Variants in DNAH8 observed in about 807,000 individuals in gnomAD.
The protein encoded by DNAH8 is dynein axonemal heavy chain 8, also known as axonemal beta dynein heavy chain 8.
A neutral mutation model predicts 562.1 loss-of-function variants in DNAH8; 382 were observed. That is an observed-to-expected ratio of 0.68 (90% CI 0.63 to 0.74). DNAH8 has a LOEUF of 0.74. Among genes scored for constraint, DNAH8 ranks in the 30% least tolerant of loss-of-function variants. The pLI, the probability that DNAH8 is intolerant of heterozygous loss-of-function variation, is 0.00. For missense variants in DNAH8, 5,203 were observed against 5,620.4 expected (o/e 0.93, Z 2.37); for synonymous variants, 1,881 against 1,919.4 (o/e 0.98, Z 0.52).
intron 13 of DNAH8, among the ~76,000 whole-genome samples, chr6:38,776,465 A>C (rs1472420751): frequency 6.6e-6 from 1 of 152,020 alleles, no homozygotes; most frequent in Non-Finnish European, 1.5e-5. Context: ...TGATTCACCC[A>C]CCTCGGCCTC....
At chr6:38,895,334 T>C (rs779257979) in intron 59 of DNAH8, among the ~76,000 whole-genome samples, 22 of 152,194 alleles carry the variant, frequency 1.4e-4, no homozygotes, top group Non-Finnish European at 3.2e-4. Context: ...ATCTCTCACC[T>C]GCCCACTGTC....
At chr6:38,926,812 T>C (rs147148019) in intron 74 of DNAH8, among the ~76,000 whole-genome samples, 1,959 of 152,312 alleles carry the variant, frequency 0.013, 36 homozygotes, top group Middle Eastern at 0.037. Flanking sequence ...AATGTCTTTC[T>C]CTACCTCCAC....
intron 58 of DNAH8, among the ~76,000 whole-genome samples, chr6:38,891,325 C>T (rs541917661): frequency 6.6e-6 from 1 of 152,262 alleles, no homozygotes; most frequent in Admixed American, 6.5e-5. Context: ...GGGCAGTACT[C>T]ATGAAAAGGC....
At chr6:38,785,235 A>G (rs921575804) in intron 17 of DNAH8, among the ~76,000 whole-genome samples, 4 of 152,176 alleles carry the variant, frequency 2.6e-5, no homozygotes, top group African/African-American at 9.7e-5. Flanking sequence ...TGTCCTAGTG[A>G]TGTGACTGTA....
At chr6:38,940,504 A>C (rs1402360333) in intron 79 of DNAH8, among the ~76,000 whole-genome samples, 1 of 152,190 alleles carries the variant, frequency 6.6e-6, no homozygotes, top group Non-Finnish European at 1.5e-5. Flanking sequence ...ACTTAACACA[A>C]CCAAGGTGTA....
intron 30 of DNAH8, among the ~76,000 whole-genome samples, chr6:38,831,090 T>A (rs1027193047): frequency 1.3e-5 from 2 of 152,184 alleles, no homozygotes; most frequent in Non-Finnish European, 2.9e-5. Flanking sequence ...AAATCTCTGT[T>A]GAGGTTTAGT....
chr6:38,911,046 A>G (rs1008762333), intron 65 of DNAH8, among the ~76,000 whole-genome samples: 6 of 152,238 alleles, frequency 3.9e-5, no homozygotes, highest in Non-Finnish European at 7.3e-5. Context: ...AAGAGGTTGT[A>G]ACAAATATCA....
intron 42 of DNAH8, among the ~76,000 whole-genome samples, chr6:38,858,026 A>T (rs1401066164): frequency 6.6e-6 from 1 of 152,206 alleles, no homozygotes; most frequent in African/African-American, 2.4e-5. Context: ...TTAGGTCATA[A>T]GCTATGCTGG....
intron 85 of DNAH8, 147 bp from the exon 86 acceptor site, chr6:38,982,199 T>C: frequency 3.3e-6 from 2 of 606,716 alleles, no homozygotes; most frequent in Non-Finnish European, 6.0e-6. Context: ...TTAAGCGACA[T>C]GAATGTATAT....
At chr6:38,761,147 A>T (rs999005406) in intron 10 of DNAH8, among the ~76,000 whole-genome samples, 25 of 149,570 alleles carry the variant, frequency 1.7e-4, no homozygotes, top group Non-Finnish European at 3.3e-4. Flanking sequence ...TTTAGGGTAC[A>T]TGTGCACAAT....
chr6:38,945,545 T>A lies in DNAH8; in HGVS notation c.12086T>A (p.Val4029Glu), dbSNP rs754916668. 6.2e-7 allele frequency: 1 copy of A among 1,614,038 alleles called. No individual in the cohort carries two copies. Among genetic ancestry groups the A allele is most frequent in the Admixed American group, 1.7e-5 (1 of 60,010 alleles). ...WILDMTWLNL[V>E]ELSKLPQFAE... is the part of the protein sequence containing the mutation. Reference sequence around the variant, plus strand: ...CTTGACATGACTTGGCTGAATCTTGTGGAGCTGAGTAAACTTCCACAATTT... The same window carrying A: ...CTTGACATGACTTGGCTGAATCTTGAGGAGCTGAGTAAACTTCCACAATTT... Residue 4029 changes from valine to glutamate, a missense_variant, in exon 80 of 93, where the codon GTG (valine) becomes GAG (glutamate). Coordinates refer to ENST00000327475, the MANE Select transcript of DNAH8 (RefSeq NM_001206927.2).
chr6:38,798,149 A>C (rs2127668189), intron 21 of DNAH8, among the ~76,000 whole-genome samples: 1 of 152,040 alleles, frequency 6.6e-6, no homozygotes, highest in East Asian at 1.9e-4. Flanking sequence ...GGAGATGGGG[A>C]AATGGGGTGA....
chr6:38,731,410 A>G (rs1236874572), intron 4 of DNAH8, among the ~76,000 whole-genome samples: 5 of 151,784 alleles, frequency 3.3e-5, no homozygotes, highest in African/African-American at 9.7e-5. Context: ...CTTTATGCCA[A>G]TAAATACATT....
Position 39,008,873 on chromosome 6 carries a change from A to C in DNAH8, c.13274A>C (p.Glu4425Ala). ...ACAATTACCAACATTCAACCCAAAG[A>C]GAGTGGAGGTGGTGTGGGAGAGACC... is the stretch of plus-strand genomic sequence containing the variant. ...LETITNIQPK[E>A]SGGGVGETRE... is the part of the protein sequence containing the mutation. The change falls in exon 89 of 93, where the codon GAG becomes GCG. Residue 4425 changes from glutamate to alanine, a missense_variant. By Grantham distance (107) the Glu-to-Ala change is moderately radical. Around this residue, in one of 6 missense-constraint regions of DNAH8, gnomAD observed 1,399 missense variants for 1,518.4 expected, o/e 0.92. Coordinates refer to ENST00000327475, the MANE Select transcript of DNAH8 (RefSeq NM_001206927.2). The C allele has an allele frequency of 1.2e-6, 2 of 1,607,016 alleles. No individual in the cohort carries two copies. The highest frequency in any genetic ancestry group is 1.7e-6 in the Non-Finnish European group (2 of 1,173,704).
intron 88 of DNAH8, among the ~76,000 whole-genome samples, chr6:39,006,350 C>A (rs1482365956): frequency 6.6e-6 from 1 of 152,150 alleles, no homozygotes; most frequent in Non-Finnish European, 1.5e-5. Flanking sequence ...ATATGCTATT[C>A]ATGTTTATAG....
intron 88 of DNAH8, among the ~76,000 whole-genome samples, chr6:39,004,876 T>TA (rs763300643): frequency 1.3e-5 from 2 of 152,262 alleles, no homozygotes; most frequent in African/African-American, 2.4e-5. Context: ...CCTTGGTTTT[T>TA]ATTGCCAAAT....
chr6:38,929,453 C>T (rs1782363495), intron 74 of DNAH8, 58 bp from the exon 75 acceptor site: 1 of 1,443,896 alleles, frequency 6.9e-7, no homozygotes, highest in Non-Finnish European at 9.2e-7. Context: ...CTCGGTTTCC[C>T]TTAGCAATGG....
intron 53 of DNAH8, among the ~76,000 whole-genome samples, chr6:38,878,404 C>T (rs534765152): frequency 2.0e-5 from 3 of 152,060 alleles, no homozygotes; most frequent in Non-Finnish European, 4.4e-5. Context: ...ATTTCAACTT[C>T]TTCCTTAATA....
chr6:38,993,266 T>A (rs1561953634), intron 88 of DNAH8, among the ~76,000 whole-genome samples: 1 of 152,204 alleles, frequency 6.6e-6, no homozygotes, highest in South Asian at 2.1e-4. Context: ...ACAAACCTAT[T>A]AAGTAGAGGT....
Sources: gnomAD v4.1 joint callset for allele counts (sites outside exome capture counted in the v4.1 genomes callset) on GRCh38, gnomAD v4.1.1 for gene constraint, gnomAD v4.1.1 regional missense constraint, MANE v1.5 for transcripts, NCBI Gene and HGNC (gene_info 2026-07-23, HGNC 2026-07-21) for gene names.